The following ADAMTSL1 variants were observed in gnomAD, a reference collection of about 807,000 sequenced individuals.
ADAMTSL1 encodes ADAMTS-like protein 1.
A neutral mutation model predicts 201.8 loss-of-function variants in ADAMTSL1; 126 were observed. The observed-to-expected ratio is 0.62, with a 90% CI of 0.54 to 0.72. The LOEUF is 0.72. Among genes scored for constraint, ADAMTSL1 ranks in the 30% least tolerant of loss-of-function variants. The probability of loss-of-function intolerance (pLI) is 0.00; values close to 1 mark genes in which losing one functional copy is unlikely to be tolerated. For synonymous variants in ADAMTSL1, 1,121 were observed against 903.4 expected (o/e 1.24, Z -4.32); for missense variants, 2,679 against 2,277.8 (o/e 1.18, Z -3.59).
At chr9:18,223,026 A>G (rs905850262) in intron 2 of ADAMTSL1, among the ~76,000 whole-genome samples, 7 of 151,924 alleles carry the variant, frequency 4.6e-5, no homozygotes, top group African/African-American at 1.7e-4. Context: ...GTATCTAGGT[A>G]TAGATTTCAT....
chr9:18,571,298 G>T (rs768546183), intron 3 of ADAMTSL1, among the ~76,000 whole-genome samples: 2 of 152,168 alleles, frequency 1.3e-5, no homozygotes, highest in African/African-American at 2.4e-5. Flanking sequence ...AGGCAGAGGC[G>T]ATTCAGCCTG....
chr9:17,918,338 AT>A (rs35657851), intron 1 of ADAMTSL1, among the ~76,000 whole-genome samples: 2 of 150,044 alleles, frequency 1.3e-5, no homozygotes, highest in Non-Finnish European at 3.0e-5. Context: ...TTCTATATGT[AT>A]TTTTTTTTCA....
chr9:17,963,216 T>C (rs1817829701), intron 1 of ADAMTSL1, among the ~76,000 whole-genome samples: 1 of 152,210 alleles, frequency 6.6e-6, no homozygotes, highest in South Asian at 2.1e-4. Context: ...AGTGTCAAAA[T>C]AATTTGAAAT....
At chr9:18,458,091 C>A (rs560347921) in intron 2 of ADAMTSL1, among the ~76,000 whole-genome samples, 7 of 152,302 alleles carry the variant, frequency 4.6e-5, no homozygotes, top group African/African-American at 1.7e-4. Context: ...ATACCCTACT[C>A]CTTTTTTTGC....
In ADAMTSL1 at chr9:18,775,873, C is replaced by T. The variant is rs1267904112; in HGVS notation, c.2528C>T (p.Pro843Leu). The change falls in exon 18 of 29, where the codon CCC becomes CTC. Residue 843 changes from proline to leucine, a missense_variant. Transcript: ENST00000380548. Reference sequence around the variant, plus strand: ...CTGCCTTTCTCTTCCTCCATCAGGCCCTGTATGCTGGCAACCTGTGCAAGT... The same window carrying T: ...CTGCCTTTCTCTTCCTCCATCAGGCTCTGTATGCTGGCAACCTGTGCAAGT... ...PPLPFSSSIR[P>L]CMLATCARPG... The T allele has an allele frequency of 6.3e-7, 1 of 1,599,780 alleles. No homozygotes were observed. Among genetic ancestry groups the T allele is most frequent in the Non-Finnish European group, 8.5e-7 (1 of 1,172,702 alleles).
At chr9:18,391,442 A>G (rs748196614) in intron 2 of ADAMTSL1, among the ~76,000 whole-genome samples, 11 of 152,274 alleles carry the variant, frequency 7.2e-5, no homozygotes, top group Middle Eastern at 3.4e-3. Flanking sequence ...TTTAGTTGGT[A>G]GTTAAAACAA....
At chr9:18,789,501 G>T (rs187873849) in intron 19 of ADAMTSL1, among the ~76,000 whole-genome samples, 1 of 152,254 alleles carries the variant, frequency 6.6e-6, no homozygotes, top group Non-Finnish European at 1.5e-5. Flanking sequence ...ATCATTTTCA[G>T]CCCCGTTGCT....
intron 4 of ADAMTSL1, among the ~76,000 whole-genome samples, chr9:18,588,999 C>T (rs1018159345): frequency 6.7e-6 from 1 of 148,604 alleles, no homozygotes; most frequent in African/African-American, 2.5e-5. Flanking sequence ...AACCTCCACC[C>T]CTTAGTATCT....
intron 2 of ADAMTSL1, among the ~76,000 whole-genome samples, chr9:18,171,221 G>C (rs1160156248): frequency 6.6e-6 from 1 of 151,934 alleles, no homozygotes; most frequent in Non-Finnish European, 1.5e-5. Flanking sequence ...ATATAAAAAA[G>C]AACTTGGTAT....
chr9:18,514,792 T>C (rs1770416859), intron 2 of ADAMTSL1, among the ~76,000 whole-genome samples: 2 of 152,224 alleles, frequency 1.3e-5, no homozygotes, highest in Admixed American at 1.3e-4. Flanking sequence ...TTATTTTTCT[T>C]GTCTTACTGA....
chr9:18,701,919 G>C (rs2133305245), intron 13 of ADAMTSL1, among the ~76,000 whole-genome samples: 1 of 152,274 alleles, frequency 6.6e-6, no homozygotes, highest in Non-Finnish European at 1.5e-5. Context: ...TTTTCACATT[G>C]CTGAAAAGAC....
chr9:18,758,271 G>C (rs1819883213), intron 16 of ADAMTSL1, among the ~76,000 whole-genome samples: 1 of 152,180 alleles, frequency 6.6e-6, no homozygotes, highest in South Asian at 2.1e-4. Context: ...AAACTGTGAA[G>C]ACATCTGGTA....
intron 1 of ADAMTSL1, among the ~76,000 whole-genome samples, chr9:18,129,705 A>G (rs1176610501): frequency 6.6e-6 from 1 of 152,242 alleles, no homozygotes; most frequent in Non-Finnish European, 1.5e-5. Context: ...ATTTTCCTTC[A>G]TATTAGAAGA....
chr9:18,092,405 A>G (rs1271836984), intron 1 of ADAMTSL1, among the ~76,000 whole-genome samples: 4 of 152,200 alleles, frequency 2.6e-5, no homozygotes, highest in African/African-American at 4.8e-5. Flanking sequence ...TGATTTCAGC[A>G]ATATAGTTGA....
intron 1 of ADAMTSL1, among the ~76,000 whole-genome samples, chr9:18,142,206 G>A (rs1178990227): frequency 6.6e-6 from 1 of 152,170 alleles, no homozygotes; most frequent in African/African-American, 2.4e-5. Context: ...TGAGTCTGGA[G>A]AGAACAGCTG....
Position 18,588,890 on chromosome 9 carries a change from TATATATATATATAC to T in ADAMTSL1, c.474+14634_474+14647del, listed in dbSNP as rs1345339823. ...TGCCATATATATACATATACATATA[TATATATATATATAC>T]ATATATATACACATTTTTTTTTTGA... On this transcript the variant is annotated intron_variant, in intron 4 of 28. Transcript: ENST00000380548. Among the ~76,000 whole-genome samples the T allele has an allele frequency of 5.9e-4, 68 of 115,986 alleles. 1 individual carries two copies. The highest frequency in any genetic ancestry group is 6.3e-4 in the Non-Finnish European group (34 of 53,760). 76.1% of individuals were successfully genotyped at this position (115,986 alleles called of 152,430 possible).
chr9:18,709,279 G>A (rs1336192776), intron 14 of ADAMTSL1, among the ~76,000 whole-genome samples: 1 of 152,106 alleles, frequency 6.6e-6, no homozygotes, highest in African/African-American at 2.4e-5. Flanking sequence ...TCAAGTCTTT[G>A]TTCGACAGTA....
chr9:18,082,366 A>G (rs1195893194), intron 1 of ADAMTSL1, among the ~76,000 whole-genome samples: 1 of 152,152 alleles, frequency 6.6e-6, no homozygotes, highest in Non-Finnish European at 1.5e-5. Flanking sequence ...CTAGAGTACA[A>G]TGACGTGATC....
intron 2 of ADAMTSL1, among the ~76,000 whole-genome samples, chr9:18,434,100 A>C (rs1819616676): frequency 6.6e-6 from 1 of 152,238 alleles, no homozygotes; most frequent in African/African-American, 2.4e-5. Flanking sequence ...TCAGCAGCTT[A>C]GAAAAGAGCA....
Sources: gnomAD v4.1 joint callset for allele counts (sites outside exome capture counted in the v4.1 genomes callset) on GRCh38, gnomAD v4.1.1 for gene constraint, MANE v1.5 for transcripts, NCBI Gene and HGNC (gene_info 2026-07-23, HGNC 2026-07-21) for gene names.